Variants in EXOC2 observed in about 807,000 individuals in gnomAD.
EXOC2 encodes SEC5-like 1.
In EXOC2, 70 loss-of-function variants were observed where a neutral mutation model predicts 131.8. That is an observed-to-expected ratio of 0.53 (90% CI 0.44 to 0.65). EXOC2 has a LOEUF of 0.65. Among genes scored for constraint, EXOC2 ranks in the 30% least tolerant of loss-of-function variants. The pLI is 0.00. For synonymous variants in EXOC2, 411 were observed against 398.4 expected, an observed-to-expected ratio of 1.03 and a Z score of -0.38; for missense variants, 923 against 1,108.6, an observed-to-expected ratio of 0.83 and a Z score of 2.38.
chr6:590,611 C>A (rs1759487643), intron 11 of EXOC2, among the ~76,000 whole-genome samples: 1 of 152,184 alleles, frequency 6.6e-6, no homozygotes, highest in South Asian at 2.1e-4. Context: ...GCCAGAGTCA[C>A]CACCAACAGC....
chr6:673,698 T>C (rs1235298806), intron 1 of EXOC2, among the ~76,000 whole-genome samples: 7 of 152,168 alleles, frequency 4.6e-5, no homozygotes, highest in Admixed American at 4.6e-4. Context: ...ACTCAAAAAA[T>C]ATATAACTTT....
At chr6:615,182 G>GGGGTGTGTGTGTGT (rs759049307) in intron 6 of EXOC2, among the ~76,000 whole-genome samples, 2 of 121,032 alleles carry the variant, frequency 1.7e-5, no homozygotes, top group Non-Finnish European at 3.3e-5. Flanking sequence ...TGTGGGTGTG[G>GGGGTGTGTGTGTGT]GTGTGTGTGT....
intron 22 of EXOC2, among the ~76,000 whole-genome samples, chr6:537,529 T>C (rs971382569): frequency 4.0e-5 from 6 of 151,816 alleles, no homozygotes; most frequent in Non-Finnish European, 8.8e-5. Flanking sequence ...ACCGATGGAG[T>C]GTACACTCTG....
In EXOC2 at chr6:538,677, G is replaced by A. The variant is rs557017830; in HGVS notation, c.2239-6067C>T. ...GTACAGACAGTCCCAACTTATGAGA[G>A]TTCAACTCATGATTTTCCCACTTTA... On this transcript the variant is annotated intron_variant, in intron 22 of 27. Coordinates refer to ENST00000230449, the MANE Select transcript of EXOC2 (RefSeq NM_018303.6). 7.9e-5 allele frequency among the ~76,000 whole-genome samples: 12 copies of A among 152,276 alleles called. No individual in the cohort carries two copies. The South Asian group carries it at 2.3e-3, about 29-fold the overall frequency.
chr6:644,334 A>C (rs1313419702), intron 1 of EXOC2, among the ~76,000 whole-genome samples: 2 of 152,136 alleles, frequency 1.3e-5, no homozygotes, highest in Admixed American at 1.3e-4. Flanking sequence ...ACAAACTAAG[A>C]CTACAGAGCA....
At chr6:628,935 C>G (rs1021218748) in intron 4 of EXOC2, among the ~76,000 whole-genome samples, 1 of 152,210 alleles carries the variant, frequency 6.6e-6, no homozygotes, top group Non-Finnish European at 1.5e-5. Flanking sequence ...TCAAAGCTCA[C>G]GTGAAGCTGC....
intron 23 of EXOC2, among the ~76,000 whole-genome samples, chr6:531,749 G>A (rs1292739767): frequency 6.6e-6 from 1 of 152,186 alleles, no homozygotes; most frequent in African/African-American, 2.4e-5. Context: ...TGAAGAACCC[G>A]TGTCCGATAC....
In EXOC2 at chr6:582,577, G is replaced by T. The variant is rs370007051; in HGVS notation, c.1193-5695C>A. Among the ~76,000 whole-genome samples the T allele has an allele frequency of 1.6e-3, 236 of 151,184 alleles. 3 individuals are homozygous for T. Among genetic ancestry groups the T allele is most frequent in the African/African-American group, 5.1e-3 (209 of 41,144 alleles). On this transcript the variant is annotated intron_variant, in intron 11 of 27. Coordinates refer to ENST00000230449, the MANE Select transcript of EXOC2 (RefSeq NM_018303.6). ...GAGCCTCCGCAGACGCAGGCAGGAT[G>T]GGATTCCTTTCAAGCGCACCACACA...
At chr6:499,286 G>C (rs1018442216) in intron 24 of EXOC2, among the ~76,000 whole-genome samples, 1 of 152,072 alleles carries the variant, frequency 6.6e-6, no homozygotes, top group South Asian at 2.1e-4. Flanking sequence ...GCTAAAAAGA[G>C]GTTAATTCAT....
At chr6:629,019 C>A (rs1477240361) in intron 4 of EXOC2, among the ~76,000 whole-genome samples, 1 of 152,116 alleles carries the variant, frequency 6.6e-6, no homozygotes, top group African/African-American at 2.4e-5. Flanking sequence ...CAGGGGCAAA[C>A]CCCAGCAGGT....
intron 6 of EXOC2, among the ~76,000 whole-genome samples, chr6:616,341 C>T (rs901542846): frequency 1.9e-4 from 29 of 152,288 alleles, no homozygotes; most frequent in East Asian, 5.8e-4. Flanking sequence ...CGGTGGCTCA[C>T]GCCTGTAATC....
chr6:511,529 GC>G (rs1276626349), intron 23 of EXOC2, among the ~76,000 whole-genome samples: 1 of 152,196 alleles, frequency 6.6e-6, no homozygotes, highest in African/African-American at 2.4e-5. Context: ...TGTTTAGATG[GC>G]TAAAACCACA....
chr6:615,665 A>C (rs1054118172), intron 6 of EXOC2, among the ~76,000 whole-genome samples: 2 of 151,446 alleles, frequency 1.3e-5, no homozygotes, highest in African/African-American at 4.9e-5. Flanking sequence ...GGTTGCAGTA[A>C]GCTGAAATCG....
chr6:642,743 T>C (rs1762411568), intron 1 of EXOC2, among the ~76,000 whole-genome samples: 1 of 152,106 alleles, frequency 6.6e-6, no homozygotes, highest in Admixed American at 6.5e-5. Context: ...AGGTATACTG[T>C]CTGAAATGAA....
At chr6:649,388 C>T (rs1490651438) in intron 1 of EXOC2, among the ~76,000 whole-genome samples, 2 of 152,304 alleles carry the variant, frequency 1.3e-5, no homozygotes, top group South Asian at 2.1e-4. Context: ...GGAGTACTTA[C>T]TGGGAACTTC....
At chr6:535,416 A>G (rs1385765597) in intron 22 of EXOC2, among the ~76,000 whole-genome samples, 6 of 152,104 alleles carry the variant, frequency 3.9e-5, no homozygotes, top group African/African-American at 1.4e-4. Flanking sequence ...AACAGAAACG[A>G]TAAGCTCCTG....
chr6:656,285 G>A lies in EXOC2; in HGVS notation c.-43-18424C>T, dbSNP rs917061773. ...CTTGCACCATGCTCTCCAGGTCTCTGTTTTCAGGCACACCCACAGCCGACT... is the reference window on the plus strand; with the variant it reads ...CTTGCACCATGCTCTCCAGGTCTCTATTTTCAGGCACACCCACAGCCGACT... On this transcript the variant is annotated intron_variant, in intron 1 of 27. Transcript: ENST00000230449. The A allele has an allele frequency of 6.2e-6, 10 of 1,614,072 alleles. No homozygotes were observed. In the East Asian group the frequency reaches 2.2e-4, roughly 36 times the overall value.
At chr6:571,644 T>G (rs915437867) in intron 13 of EXOC2, among the ~76,000 whole-genome samples, 1 of 152,172 alleles carries the variant, frequency 6.6e-6, no homozygotes. Flanking sequence ...CAAAAATGGT[T>G]TTAGCCTTTG....
At chr6:526,967 T>C (rs1363907657) in intron 23 of EXOC2, among the ~76,000 whole-genome samples, 2 of 152,204 alleles carry the variant, frequency 1.3e-5, no homozygotes, top group Non-Finnish European at 1.5e-5. Flanking sequence ...AATCAGGTGA[T>C]TTATGCAAAG....
Sources: gnomAD v4.1 joint callset for allele counts (sites outside exome capture counted in the v4.1 genomes callset) on GRCh38, gnomAD v4.1.1 for gene constraint, MANE v1.5 for transcripts, NCBI Gene and HGNC (gene_info 2026-07-23, HGNC 2026-07-21) for gene names.